POMT1: variants seen among roughly 807,000 people sequenced by gnomAD.
The protein encoded by POMT1 is protein O-mannosyl-transferase 1.
Under a neutral mutation model 101.6 loss-of-function variants are expected in POMT1, and 85 were observed. The ratio of observed to expected loss-of-function variants is 0.84; its 90% CI spans 0.70 to 1.00. The LOEUF is 1.00. POMT1 is among the 50% of genes least tolerant of loss of function. The probability of loss-of-function intolerance (pLI) is 0.00; values close to 1 mark genes in which losing one functional copy is unlikely to be tolerated. For missense variants in POMT1, 857 were observed against 930.4 expected (o/e 0.92, Z 1.03); for synonymous variants, 371 against 383.0 (o/e 0.97, Z 0.37).
At chr9:131,517,695 G>A (rs1158852576) in intron 13 of POMT1, among the ~76,000 whole-genome samples, 4 of 152,118 alleles carry the variant, frequency 2.6e-5, no homozygotes, top group South Asian at 2.1e-4. Context: ...CTTCCCTGAC[G>A]TGAGTGCTGT....
rs746523421 is a variant in POMT1, at chr9:131,515,424, A to G, written c.1176-2A>G. ...TCTGAAATCTCGGTCTTGGTTTTCC[A>G]GGCATGATGTTGCAGCCCCCCTGAG... On this transcript the variant is annotated splice_acceptor_variant, in intron 12 of 19. Transcript: ENST00000402686. LOFTEE classifies it high-confidence loss of function. 3.7e-6 allele frequency: 6 copies of G among 1,614,016 alleles called. No individual in the cohort carries two copies. Among genetic ancestry groups the G allele is most frequent in the Non-Finnish European group, 5.1e-6 (6 of 1,179,962 alleles).
At chr9:131,520,325 G>A (rs1949663891) in intron 17 of POMT1, 132 bp downstream of exon 17, 1 of 840,342 alleles carries the variant, frequency 1.2e-6, no homozygotes, top group South Asian at 1.4e-5. Flanking sequence ...AAAGGCCTGT[G>A]ACTTGGTTTT....
At chr9:131,504,492 A>G in intron 2 of POMT1, 152 bp downstream of exon 2, 1 of 1,192,152 alleles carries the variant, frequency 8.4e-7, no homozygotes, top group Non-Finnish European at 1.2e-6. Context: ...GTCTGTCCCC[A>G]GGACAGCCCC....
chr9:131,504,168 G>C (rs1483941606), intron 1 of POMT1, 21 bp from the exon 2 acceptor site: 1 of 1,613,622 alleles, frequency 6.2e-7, no homozygotes, highest in Non-Finnish European at 8.5e-7. Flanking sequence ...CATGGACCAC[G>C]GCTCCTCCCT....
chr9:131,515,274 C>T lies in POMT1; in HGVS notation c.1176-152C>T, dbSNP rs997313052. The T allele has an allele frequency of 5.4e-5, 42 of 776,364 alleles. 1 individual carries two copies. The Admixed American group carries it at 7.7e-4, about 14-fold the overall frequency. 48.1% of individuals were successfully genotyped at this position (776,364 alleles called of 1,614,324 possible). A position where few individuals can be genotyped will look rare whatever the true frequency, so the allele number is the denominator to read the frequency against. On this transcript the variant is annotated intron_variant, in intron 12 of 19. Coordinates refer to ENST00000402686, the MANE Select transcript of POMT1 (RefSeq NM_001077365.2). The stretch of plus-strand genomic sequence containing the variant: ...CATCGCCGAGCCTCAAGACCTCCGT[C>T]CTCAGTAGCAGCAACTCATGGGACT...
At chr9:131,507,073 A>G (rs1012894049) in intron 4 of POMT1, among the ~76,000 whole-genome samples, 4 of 151,712 alleles carry the variant, frequency 2.6e-5, no homozygotes, top group African/African-American at 2.4e-5. Context: ...TCTCAGAGAA[A>G]AAAAAAAAAA....
In POMT1 at chr9:131,519,986, G is replaced by C. The variant is rs761727371; in HGVS notation, c.1585-94G>C. 1.4e-5 allele frequency: 13 copies of C among 931,432 alleles called. No individual in the cohort carries two copies. Among genetic ancestry groups the C allele is most frequent in the Middle Eastern group, 2.4e-4 (1 of 4,180 alleles). 57.7% of individuals were successfully genotyped at this position (931,432 alleles called of 1,614,324 possible). A position where few individuals can be genotyped will look rare whatever the true frequency, so the allele number is the denominator to read the frequency against. Reference sequence around the variant, plus strand: ...ATGAACTTGAGCTGGGCCAGTCCACGTGCAAGGGGCAGCAGTGTACTCCTT... The same window carrying C: ...ATGAACTTGAGCTGGGCCAGTCCACCTGCAAGGGGCAGCAGTGTACTCCTT... On this transcript the variant is annotated intron_variant, in intron 16 of 19. Coordinates refer to ENST00000402686, the MANE Select transcript of POMT1 (RefSeq NM_001077365.2). The surrounding 1 kb of genome is among the most constrained non-coding windows in gnomAD (Gnocchi z 4.3).
intron 9 of POMT1, chr9:131,510,980 G>GGA: frequency 7.1e-6 from 2 of 282,434 alleles, no homozygotes; most frequent in Non-Finnish European, 6.8e-6. Context: ...GACGGCCAGT[G>GGA]CTGTAGTGCT....
chr9:131,513,077 A>G (rs1348880423), intron 11 of POMT1, among the ~76,000 whole-genome samples, 162 bp from the exon 12 acceptor site: 1 of 152,224 alleles, frequency 6.6e-6, no homozygotes, highest in Non-Finnish European at 1.5e-5. Context: ...AAAGAGCCCA[A>G]TTAATGTCTG....
chr9:131,506,791 G>A (rs1413708267), intron 4 of POMT1: 7 of 371,430 alleles, frequency 1.9e-5, no homozygotes, highest in South Asian at 4.6e-5. Context: ...AGGGTAGGCC[G>A]GGCGCGCTGG....
At chr9:131,506,640 A>C in intron 4 of POMT1, 187 bp downstream of exon 4, 2 of 649,396 alleles carry the variant, frequency 3.1e-6, no homozygotes, top group South Asian at 3.6e-5. Flanking sequence ...ACTTCTGGAA[A>C]GTCTGGTTAA....
chr9:131,509,635 A>G lies in POMT1; in HGVS notation c.540-108A>G. 4.4e-6 allele frequency: 7 copies of G among 1,602,980 alleles called. No individual in the cohort carries two copies. The South Asian group carries it at 5.6e-5, about 13-fold the overall frequency. On this transcript the variant is annotated intron_variant, in intron 6 of 19. Coordinates refer to ENST00000402686, the MANE Select transcript of POMT1 (RefSeq NM_001077365.2). Reference sequence around the variant, plus strand: ...TTTCTTACTGCCCCTGTGGCTCAGCATGGCCAGCCGACCCAGAAAGATTTC... The same window carrying G: ...TTTCTTACTGCCCCTGTGGCTCAGCGTGGCCAGCCGACCCAGAAAGATTTC...
At position 131,511,443 on chromosome 9, in the gene POMT1, C is replaced by G; in HGVS notation, c.962C>G (p.Ser321Cys). Residue 321 changes from serine to cysteine, a missense_variant, in exon 10 of 20, where the codon TCC (serine) becomes TGC (cysteine). Coordinates refer to ENST00000402686, the MANE Select transcript of POMT1 (RefSeq NM_001077365.2). The part of the protein sequence containing the change: ...FGKPVPCWLH[S>C]HQDTYPMIYE... ...AAACCTGTGCCCTGCTGGCTTCATT[C>G]CCACCAGGACACCTACCCCATGATG... 6.2e-7 allele frequency: 1 copy of G among 1,614,148 alleles called. No individual in the cohort carries two copies. The highest frequency in any genetic ancestry group is 8.5e-7 in the Non-Finnish European group (1 of 1,180,002).
chr9:131,520,315 A>G (rs990099086), intron 17 of POMT1, 122 bp downstream of exon 17: 21 of 879,398 alleles, frequency 2.4e-5, no homozygotes, highest in Non-Finnish European at 3.5e-5. Flanking sequence ...TTTTCCTGAC[A>G]AAGGCCTGTG....
At position 131,510,062 on chromosome 9, in the gene POMT1, G is replaced by T. The variant is rs770450420; in HGVS notation, c.699+66G>T. 9 of 1,614,068 alleles carry T rather than the reference G, an allele frequency of 5.6e-6. No homozygotes were observed. Among genetic ancestry groups the T allele is most frequent in the Middle Eastern group, 1.7e-4 (1 of 6,060 alleles). Reference sequence around the variant, plus strand: ...TGGGGCAGATGCAGATGTCACAGGGGGTACTTGGTGAAAAGACTCCAATCC... The same window carrying T: ...TGGGGCAGATGCAGATGTCACAGGGTGTACTTGGTGAAAAGACTCCAATCC... On this transcript the variant is annotated intron_variant, in intron 8 of 19. Coordinates refer to ENST00000402686, the MANE Select transcript of POMT1 (RefSeq NM_001077365.2).
intron 2 of POMT1, among the ~76,000 whole-genome samples, chr9:131,504,746 A>AGT (rs1564327075): frequency 7.0e-5 from 4 of 57,308 alleles, no homozygotes; most frequent in African/African-American, 1.9e-4. Flanking sequence ...TTAACTGATT[A>AGT]ATGTGTGTAT....
In POMT1 at chr9:131,506,110, C is replaced by G. The variant is rs773155818; in HGVS notation, c.123-4C>G. On this transcript the variant is annotated splice_polypyrimidine_tract_variant and splice_region_variant and intron_variant, in intron 2 of 19. Transcript: ENST00000402686. ...ATAATATGGGTTGTTGTTTTTTTTT[C>G]TAGTTTTGACGAAGTATATTATGGG... 3.1e-6 allele frequency: 5 copies of G among 1,595,302 alleles called. No homozygotes were observed. The highest frequency in any genetic ancestry group is 4.3e-6 in the Non-Finnish European group (5 of 1,168,238).
At position 131,519,883 on chromosome 9, in the gene POMT1, G is replaced by A. The variant is rs944395524; in HGVS notation, c.1585-197G>A. ...CAGAGGAGGTAACTGGAGCACATAG[G>A]GTGGGGCGACCCTCCCAAGGCCACA... On this transcript the variant is annotated intron_variant, in intron 16 of 19. Coordinates refer to ENST00000402686, the MANE Select transcript of POMT1 (RefSeq NM_001077365.2). The surrounding 1 kb of genome is among the most constrained non-coding windows in gnomAD (Gnocchi z 4.3). Among the ~76,000 whole-genome samples the A allele has an allele frequency of 6.6e-6, 1 of 152,186 alleles. No individual in the cohort carries two copies. Among genetic ancestry groups the A allele is most frequent in the Admixed American group, 6.5e-5 (1 of 15,272 alleles).
Position 131,504,354 on chromosome 9 carries a change from C to G in POMT1, c.122+14C>G. 2 of 1,614,178 alleles carry G rather than the reference C, an allele frequency of 1.2e-6. No individual in the cohort carries two copies. The highest frequency in any genetic ancestry group is 1.1e-5 in the South Asian group (1 of 91,080). ...GCGGGCTGTGGTGTAAGCTAAATGA[C>G]TCCATTCCCAGGGTGAATCTAGAAT... On this transcript the variant is annotated intron_variant, in intron 2 of 19. Transcript: ENST00000402686.
Sources: allele counts gnomAD v4.1 joint callset (sites outside exome capture counted in the v4.1 genomes callset), GRCh38; gene constraint gnomAD v4.1.1; non-coding constraint Gnocchi (gnomAD v3.1); transcripts MANE v1.5; gene names NCBI Gene and HGNC (gene_info 2026-07-23, HGNC 2026-07-21).